Variants in MPRIP observed in about 807,000 individuals in gnomAD.
MPRIP encodes the protein myosin phosphatase Rho-interacting protein.
A neutral mutation model predicts 234.9 loss-of-function variants in MPRIP; 59 were observed. The ratio of observed to expected loss-of-function variants is 0.25; its 90% CI spans 0.20 to 0.31. The LOEUF (loss-of-function observed/expected upper bound fraction) is 0.31, where lower values mean the gene tolerates loss of function less well. Among genes scored for constraint, MPRIP ranks in the 10% least tolerant of loss-of-function variants. The pLI is 1.00. For missense variants in MPRIP, 2,436 were observed against 3,071.0 expected (o/e 0.79, Z 4.89); for synonymous variants, 1,144 against 1,263.9 (o/e 0.91, Z 2.01).
At chr17:17,153,675 G>A (rs766490127) in intron 12 of MPRIP, among the ~76,000 whole-genome samples, 23 of 151,590 alleles carry the variant, frequency 1.5e-4, no homozygotes, top group Non-Finnish European at 3.2e-4. Flanking sequence ...CCAGCCAGAC[G>A]CTGTTCATAC....
At chr17:17,107,478 G>C (rs997522927) in intron 3 of MPRIP, among the ~76,000 whole-genome samples, 2 of 152,228 alleles carry the variant, frequency 1.3e-5, no homozygotes, top group African/African-American at 4.8e-5. Context: ...AGAAGGCTTG[G>C]GGCTGGCAGG....
chr17:17,102,441 C>T (rs994436269), intron 3 of MPRIP, among the ~76,000 whole-genome samples: 2 of 152,252 alleles, frequency 1.3e-5, no homozygotes, highest in Admixed American at 6.5e-5. Context: ...CAGTGCGGAG[C>T]TGTCAGGCTT....
In MPRIP at chr17:17,161,250, G is replaced by C; in HGVS notation, c.2411G>C (p.Ser804Thr). 1 of 1,600,544 alleles carries C rather than the reference G, an allele frequency of 6.2e-7. No individual in the cohort carries two copies. Among genetic ancestry groups the C allele is most frequent in the Non-Finnish European group, 8.5e-7 (1 of 1,171,132 alleles). Residue 804 changes from serine to threonine, a missense_variant, in exon 15 of 24, where the codon AGC becomes ACC. Physicochemically the swap from Ser to Thr is moderately conservative, Grantham distance 58 (BLOSUM62 1). This residue lies in a region of MPRIP where 1,998 missense variants were observed against 2,520.3 expected (regional missense o/e 0.79). Coordinates refer to ENST00000651222, the MANE Select transcript of MPRIP (RefSeq NM_001364716.4). ...TCTTTTTGCCAACAGCTGGAGCAGA[G>C]CCAGAAGGAGGCCTCAGACCTTCTG... ...TSLLEKELEQSQKEASDLLEQ... is the reference protein window; with the variant it reads ...TSLLEKELEQTQKEASDLLEQ...
intron 3 of MPRIP, among the ~76,000 whole-genome samples, chr17:17,114,123 C>T (rs1282982824): frequency 6.6e-6 from 1 of 152,086 alleles, no homozygotes; most frequent in Non-Finnish European, 1.5e-5. Flanking sequence ...AAACTTCTGG[C>T]CCCAAGCAAT....
At chr17:17,137,512 CAAA>C (rs35313745) in intron 6 of MPRIP, among the ~76,000 whole-genome samples, 6 of 126,530 alleles carry the variant, frequency 4.7e-5, no homozygotes, top group Non-Finnish European at 4.8e-5. Flanking sequence ...GATTGCATCT[CAAA>C]AAAAAAAAAA....
chr17:17,128,059 A>G (rs2090527224), intron 4 of MPRIP, among the ~76,000 whole-genome samples: 1 of 152,214 alleles, frequency 6.6e-6, no homozygotes. Flanking sequence ...AAGAATGTCA[A>G]GGGCCTCTGA....
chr17:17,130,878 G>T (rs2090584022), intron 4 of MPRIP, among the ~76,000 whole-genome samples: 1 of 152,178 alleles, frequency 6.6e-6, no homozygotes, highest in Admixed American at 6.5e-5. Context: ...AAGTAGTTGT[G>T]CCATGATCTG....
intron 1 of MPRIP, among the ~76,000 whole-genome samples, chr17:17,058,861 T>A (rs1053079127): frequency 2.0e-5 from 3 of 152,002 alleles, no homozygotes; most frequent in Admixed American, 1.3e-4. Flanking sequence ...ACATGGCAAC[T>A]GAGAAGTGGG....
At chr17:17,100,473 C>T (rs2089938153) in intron 3 of MPRIP, among the ~76,000 whole-genome samples, 1 of 152,162 alleles carries the variant, frequency 6.6e-6, no homozygotes. Context: ...TCTGTTGGCT[C>T]AGGGGTCCCC....
In MPRIP at chr17:17,165,084, G is replaced by C. The variant is rs1177533230; in HGVS notation, c.3493G>C (p.Glu1165Gln). 5 of 1,303,490 alleles carry C rather than the reference G, an allele frequency of 3.8e-6. No homozygotes were observed. The highest frequency in any genetic ancestry group is 5.1e-6 in the Non-Finnish European group (5 of 988,982). 80.7% of individuals were successfully genotyped at this position (1,303,490 alleles called of 1,614,324 possible). ...QLQSMHTLLR[E>Q]KEEELERIKE... ...GCAGAGCATGCACACTCTGCTGAGA[G>C]AGAAGGAGGAAGAGCTGGAGCGCAT... The change falls in exon 16 of 24, where the codon GAG (glutamate) becomes CAG (glutamine). Residue 1165 changes from glutamate to glutamine, a missense_variant. Physicochemically the swap from Glu to Gln is conservative, Grantham distance 29. Transcript: ENST00000651222.
At position 17,185,870 on chromosome 17, in the gene MPRIP, A is replaced by G. The variant is rs1036050322; in HGVS notation, c.*976A>G. On this transcript the variant is annotated 3_prime_UTR_variant, in exon 24 of 24. Transcript: ENST00000651222. Reference sequence around the variant, plus strand: ...TGTCAGAATCTGATGAGAACAGCACATTAGTGTTTATTGAGACTCCGATCT... The same window carrying G: ...TGTCAGAATCTGATGAGAACAGCACGTTAGTGTTTATTGAGACTCCGATCT... The G allele has an allele frequency of 2.0e-5, 4 of 201,450 alleles. No homozygotes were observed. Among genetic ancestry groups the G allele is most frequent in the Admixed American group, 5.8e-5 (1 of 17,244 alleles). 12.5% of individuals were successfully genotyped at this position (201,450 alleles called of 1,614,324 possible).
chr17:17,045,376 T>C (rs930675429), intron 1 of MPRIP, among the ~76,000 whole-genome samples: 6 of 152,216 alleles, frequency 3.9e-5, no homozygotes, highest in African/African-American at 1.2e-4. Flanking sequence ...AGAAACCTCT[T>C]GCAGGGACTG....
At chr17:17,132,122 C>T (rs1469134711) in intron 5 of MPRIP, among the ~76,000 whole-genome samples, 1 of 152,192 alleles carries the variant, frequency 6.6e-6, no homozygotes, top group Non-Finnish European at 1.5e-5. Flanking sequence ...CCATAAGGAG[C>T]TCACAGGGGC....
At position 17,142,611 on chromosome 17, in the gene MPRIP, G is replaced by C. The variant is rs758516086; in HGVS notation, c.1251-16G>C. The C allele has an allele frequency of 6.2e-7, 1 of 1,610,146 alleles. No individual in the cohort carries two copies. The highest frequency in any genetic ancestry group is 1.3e-5 in the African/African-American group (1 of 74,842). The stretch of plus-strand genomic sequence containing the variant: ...CACCTCACTGCCACCTCAGGGCCTC[G>C]TGTCCTCTCTTGCAGGAGGTCCCAG... On this transcript the variant is annotated splice_polypyrimidine_tract_variant and intron_variant, in intron 7 of 23. Transcript: ENST00000651222.
chr17:17,136,601 C>A, intron 6 of MPRIP, 151 bp downstream of exon 6: 1 of 750,304 alleles, frequency 1.3e-6, no homozygotes, highest in Non-Finnish European at 2.2e-6. Context: ...TAGCACCTGG[C>A]CTGGTATGTT....
At chr17:17,145,950 C>A in intron 9 of MPRIP, 86 bp from the exon 10 acceptor site, 2 of 1,303,864 alleles carry the variant, frequency 1.5e-6, no homozygotes, top group Non-Finnish European at 2.2e-6. Context: ...GTACCCGCCT[C>A]ATCTGGACAG....
chr17:17,132,320 G>A (rs1200916670), intron 5 of MPRIP, among the ~76,000 whole-genome samples: 1 of 152,230 alleles, frequency 6.6e-6, no homozygotes, highest in Admixed American at 6.5e-5. Context: ...GGGGAATGAG[G>A]TAACCTTTTT....
chr17:17,096,424 A>G (rs993961378), intron 3 of MPRIP, among the ~76,000 whole-genome samples: 8 of 152,052 alleles, frequency 5.3e-5, no homozygotes, highest in Non-Finnish European at 8.8e-5. Flanking sequence ...AATTTGCTCC[A>G]GTACCTTGGA....
At chr17:17,147,696 T>A (rs1328332578) in intron 11 of MPRIP, among the ~76,000 whole-genome samples, 1 of 152,244 alleles carries the variant, frequency 6.6e-6, no homozygotes, top group African/African-American at 2.4e-5. Flanking sequence ...TTCTTTTCTC[T>A]GTTCTTTGAA....
Sources: gnomAD v4.1 joint callset for allele counts (sites outside exome capture counted in the v4.1 genomes callset) on GRCh38, gnomAD v4.1.1 for gene constraint, gnomAD v4.1.1 regional missense constraint, MANE v1.5 for transcripts, NCBI Gene and HGNC (gene_info 2026-07-23, HGNC 2026-07-21) for gene names.